The following CALD1 variants were observed in gnomAD, a reference collection of about 807,000 sequenced individuals.
CALD1 encodes caldesmon 1.
CALD1 carries 33 observed loss-of-function variants against 99.9 expected under a neutral mutation model. The ratio of observed to expected loss-of-function variants is 0.33; its 90% CI spans 0.25 to 0.44. The LOEUF (loss-of-function observed/expected upper bound fraction) is 0.44, where lower values mean the gene tolerates loss of function less well. Ranked by LOEUF, CALD1 falls within the 20% of genes least tolerant of loss-of-function variation. CALD1 has a pLI of 1.00. For missense variants in CALD1, 861 were observed against 962.1 expected (o/e 0.89, Z 1.39); for synonymous variants, 310 against 325.0 (o/e 0.95, Z 0.50).
In CALD1 at chr7:134,933,194, C is replaced by A; in HGVS notation, c.425C>A (p.Ala142Glu). The stretch of plus-strand genomic sequence containing the variant: ...AGCAGAAGAATGCAAAATGACACAG[C>A]AGAAAATGAAACTACCGAGAAGGAA... ...LPSRRMQNDT[A>E]ENETTEKEEK... Residue 142 changes from alanine (A) to glutamate (E), a missense_variant, in exon 5 of 15, where the codon GCA becomes GAA. Physicochemically the swap from Ala to Glu is moderately radical, Grantham distance 107. This residue lies in a region of CALD1 where 234 missense variants were observed against 233.1 expected (regional missense o/e 1.00). Transcript: ENST00000361675. The A allele has an allele frequency of 6.2e-7, 1 of 1,611,638 alleles. No homozygotes were observed.
intron 6 of CALD1, among the ~76,000 whole-genome samples, chr7:134,938,287 A>C (rs1806152556): frequency 6.6e-6 from 1 of 152,172 alleles, no homozygotes. Context: ...ATAATGCAAA[A>C]TATGCTCGAG....
chr7:134,726,920 C>T, the CALD1 span, among the ~76,000 whole-genome samples: 4 of 152,200 alleles, frequency 2.6e-5, no homozygotes, highest in Non-Finnish European at 5.9e-5. Context: ...ACATCTGGTG[C>T]TCCTCAGCCA....
intron 1 of CALD1, among the ~76,000 whole-genome samples, chr7:134,799,206 T>A (rs941716781): frequency 1.3e-5 from 2 of 152,202 alleles, no homozygotes; most frequent in Middle Eastern, 3.2e-3. Context: ...TTCTTTGGTA[T>A]CTTCATATCA....
chr7:134,955,494 C>T (rs1489720627), intron 9 of CALD1, among the ~76,000 whole-genome samples: 4 of 152,208 alleles, frequency 2.6e-5, no homozygotes, highest in African/African-American at 9.6e-5. Flanking sequence ...TCTCACAGTC[C>T]TGGAGGCTGG....
the CALD1 span, among the ~76,000 whole-genome samples, chr7:134,728,300 T>A: frequency 2.0e-5 from 3 of 152,068 alleles, no homozygotes; most frequent in Non-Finnish European, 2.9e-5. Flanking sequence ...TGAGCCAGAG[T>A]ATGCTTAGAG....
intron 1 of CALD1, among the ~76,000 whole-genome samples, chr7:134,763,521 C>T (rs17168025): frequency 7.2e-5 from 11 of 152,116 alleles, no homozygotes; most frequent in Non-Finnish European, 1.0e-4. Context: ...CTTGGGTTCT[C>T]GGTCAGAACT....
In CALD1 at chr7:134,950,425, G is replaced by A. The variant is rs1218981324; in HGVS notation, c.1846G>A (p.Ala616Thr). The stretch of plus-strand genomic sequence containing the variant: ...GATTGAAAGGCGAAGAGCAGAAGCT[G>A]CTGAGAAACGCCAGAAGATGCCAGA... ...EEIERRRAEAAEKRQKMPEDG... is the reference protein window; with the variant it reads ...EEIERRRAEATEKRQKMPEDG... The change falls in exon 9 of 15, where the codon GCT (alanine) becomes ACT (threonine). Residue 616 changes from alanine (A) to threonine (T), a missense_variant. Around this residue, in one of 5 missense-constraint regions of CALD1, gnomAD observed 190 missense variants for 249.0 expected, o/e 0.76. Transcript: ENST00000361675. The A allele has an allele frequency of 6.2e-7, 1 of 1,613,950 alleles. No homozygotes were observed. The highest frequency in any genetic ancestry group is 8.5e-7 in the Non-Finnish European group (1 of 1,179,884).
intron 6 of CALD1, among the ~76,000 whole-genome samples, chr7:134,938,081 T>C (rs1280307252): frequency 2.6e-5 from 4 of 152,196 alleles, no homozygotes; most frequent in Non-Finnish European, 4.4e-5. Context: ...TCTTATTAAA[T>C]GCAGAATCTG....
chr7:134,850,728 G>A (rs1800041286), intron 2 of CALD1, among the ~76,000 whole-genome samples: 1 of 152,158 alleles, frequency 6.6e-6, no homozygotes, highest in Non-Finnish European at 1.5e-5. Context: ...CCCTGCAAAT[G>A]TGCTTCCCTT....
chr7:134,819,529 T>C (rs1438692817), intron 1 of CALD1, among the ~76,000 whole-genome samples: 1 of 152,196 alleles, frequency 6.6e-6, no homozygotes, highest in Non-Finnish European at 1.5e-5. Flanking sequence ...GTATGCGTTG[T>C]TTATGTTATC....
At position 134,928,741 on chromosome 7, in the gene CALD1, T is replaced by C; in HGVS notation, c.72-13T>C. 1 of 1,612,166 alleles carries C rather than the reference T, an allele frequency of 6.2e-7. No individual in the cohort carries two copies. Among genetic ancestry groups the C allele is most frequent in the South Asian group, 1.1e-5 (1 of 90,712 alleles). The stretch of plus-strand genomic sequence containing the variant: ...AGTGGCACGCTCAAGAGGTTGTCTT[T>C]GTAATGTTGCAGAATCGCCTACCAG... On this transcript the variant is annotated splice_polypyrimidine_tract_variant and intron_variant, in intron 3 of 14. Transcript: ENST00000361675.
chr7:134,799,677 A>G (rs1797873622), intron 1 of CALD1, among the ~76,000 whole-genome samples: 1 of 152,202 alleles, frequency 6.6e-6, no homozygotes, highest in African/African-American at 2.4e-5. Flanking sequence ...GATAAAGCAA[A>G]CACGTGTCAT....
chr7:134,923,360 T>C (rs1349889084), intron 3 of CALD1, among the ~76,000 whole-genome samples: 1 of 152,198 alleles, frequency 6.6e-6, no homozygotes, highest in Non-Finnish European at 1.5e-5. Context: ...TTTTAAAAAA[T>C]AGATCCACAA....
chr7:134,827,803 T>A (rs1157770995), intron 1 of CALD1, among the ~76,000 whole-genome samples: 2 of 152,244 alleles, frequency 1.3e-5, no homozygotes, highest in African/African-American at 4.8e-5. Flanking sequence ...TTCATTCTTC[T>A]GTTTAAAGCT....
At chr7:134,867,992 A>C in intron 3 of CALD1, 188 bp downstream of exon 3, 4 of 403,200 alleles carry the variant, frequency 9.9e-6, no homozygotes, top group Non-Finnish European at 9.2e-6. Flanking sequence ...ACAAACAAGA[A>C]TCAAGAAAAA....
intron 1 of CALD1, among the ~76,000 whole-genome samples, chr7:134,810,290 T>G (rs1798305080): frequency 6.6e-6 from 1 of 152,236 alleles, no homozygotes; most frequent in African/African-American, 2.4e-5. Context: ...TACTCTCAGC[T>G]GTCTTAATTA....
chr7:134,877,558 C>T (rs1010568441), intron 3 of CALD1, among the ~76,000 whole-genome samples: 3 of 152,060 alleles, frequency 2.0e-5, no homozygotes, highest in African/African-American at 7.2e-5. Context: ...ATTCAACCAA[C>T]CCAGATCAAA....
rs137916251 is a variant in CALD1, at chr7:134,812,815, T to A, written c.-129-31069T>A. ...TTCAGGGAAGAGGTCCTGAATATATTTTTTTGGGAGTCAGGCATTTGCATG... is the reference window on the plus strand; with the variant it reads ...TTCAGGGAAGAGGTCCTGAATATATATTTTTGGGAGTCAGGCATTTGCATG... On this transcript the variant is annotated intron_variant, in intron 1 of 14. Transcript: ENST00000361675. Among the ~76,000 whole-genome samples, 61 of 152,286 alleles carry A rather than the reference T, an allele frequency of 4.0e-4. 2 individuals are homozygous for A. In the East Asian group the frequency reaches 0.012, roughly 29 times the overall value.
chr7:134,825,390 T>C (rs535830674), intron 1 of CALD1, among the ~76,000 whole-genome samples: 31 of 152,174 alleles, frequency 2.0e-4, no homozygotes, highest in Non-Finnish European at 3.4e-4. Context: ...AAATTTAAGT[T>C]TGGATTTCCT....
Sources: gnomAD v4.1 joint callset for allele counts (sites outside exome capture counted in the v4.1 genomes callset) on GRCh38, gnomAD v4.1.1 for gene constraint, gnomAD v4.1.1 regional missense constraint, MANE v1.5 for transcripts, NCBI Gene and HGNC (gene_info 2026-07-23, HGNC 2026-07-21) for gene names.